Variants in CELF5 observed in about 807,000 individuals in gnomAD.
CELF5 encodes CUG-BP and ETR-3 like factor 5.
A neutral mutation model predicts 54.9 loss-of-function variants in CELF5; 6 were observed. That is an observed-to-expected ratio of 0.11 (90% confidence interval 0.06 to 0.22). CELF5 has a LOEUF of 0.22. Ranked by LOEUF, CELF5 falls within the 10% of genes least tolerant of loss-of-function variation. The pLI is 1.00. For synonymous variants in CELF5, 271 were observed against 290.9 expected, an observed-to-expected ratio of 0.93 and a Z score of 0.70; for missense variants, 401 against 678.6, an observed-to-expected ratio of 0.59 and a Z score of 4.54.
At chr19:3,241,424 A>G (rs1315220245) in intron 1 of CELF5, among the ~76,000 whole-genome samples, 2 of 151,996 alleles carry the variant, frequency 1.3e-5, no homozygotes, top group Non-Finnish European at 2.9e-5. Context: ...GGGTGGGTGC[A>G]GATTGCCAAT....
At position 3,275,773 on chromosome 19, in the gene CELF5, C is replaced by G. The variant is rs1209123833; in HGVS notation, c.395-83C>G. On this transcript the variant is annotated intron_variant, in intron 3 of 12. Transcript: ENST00000292672. This position sits in a 1 kb window ranked among gnomAD's most constrained non-coding sequence, Gnocchi z 6.7. ...GCCGCGTCTTCCTGCCCTGCCGCCT[C>G]CACTCTGCTGGAGGGAGGGAGGAAT... 1.5e-5 allele frequency: 22 copies of G among 1,457,646 alleles called. No homozygotes were observed. Among genetic ancestry groups the G allele is most frequent in the Non-Finnish European group, 2.0e-5 (22 of 1,086,274 alleles). 90.3% of individuals were successfully genotyped at this position (1,457,646 alleles called of 1,614,324 possible). A position where few individuals can be genotyped will look rare whatever the true frequency, so the allele number is the denominator to read the frequency against.
rs201376475 is a variant in CELF5, at chr19:3,293,451, G to A, written c.*5G>A. 33 of 1,613,740 alleles carry A rather than the reference G, an allele frequency of 2.0e-5. No homozygotes were observed. In the East Asian group the frequency reaches 3.1e-4, roughly 15 times the overall value. ...GACCCGGGACACCCCTACTGACCGC[G>A]CCCACAGCCGCCCTGAGGCTGTAGG... On this transcript the variant is annotated 3_prime_UTR_variant, in exon 12 of 13. Coordinates refer to ENST00000292672, the MANE Select transcript of CELF5 (RefSeq NM_021938.4).
rs2079637844 is a variant in CELF5, at chr19:3,250,847, A to T, written c.260-138A>T. 2 of 633,388 alleles carry T rather than the reference A, an allele frequency of 3.2e-6. No individual in the cohort carries two copies. The highest frequency in any genetic ancestry group is 5.8e-6 in the Non-Finnish European group (2 of 347,414). 39.2% of individuals were successfully genotyped at this position (633,388 alleles called of 1,614,324 possible). A position where few individuals can be genotyped will look rare whatever the true frequency, so the allele number is the denominator to read the frequency against. On this transcript the variant is annotated intron_variant, in intron 1 of 12. Coordinates refer to ENST00000292672, the MANE Select transcript of CELF5 (RefSeq NM_021938.4). ...GGCTGAATAATATTCCGTTGCGTGG[A>T]TGCACCAGGTTGTGTAGATCTATGC... is the stretch of plus-strand genomic sequence containing the variant.
chr19:3,235,163 T>C (rs1449048985), intron 1 of CELF5, among the ~76,000 whole-genome samples: 1 of 152,202 alleles, frequency 6.6e-6, no homozygotes, highest in African/African-American at 2.4e-5. Context: ...GCATGGGCTG[T>C]GCCCTCTGCA....
chr19:3,237,570 T>C (rs1599392813), intron 1 of CELF5, among the ~76,000 whole-genome samples: 1 of 152,280 alleles, frequency 6.6e-6, no homozygotes, highest in African/African-American at 2.4e-5. Flanking sequence ...TCTCTTAGCA[T>C]GCTAATGCAT....
Position 3,278,001 on chromosome 19 carries a change from C to A in CELF5, c.524-30C>A, listed in dbSNP as rs547279294. On this transcript the variant is annotated intron_variant, in intron 4 of 12. Transcript: ENST00000292672. The surrounding 1 kb of genome is among the most constrained non-coding windows in gnomAD (Gnocchi z 4.5). Reference sequence around the variant, plus strand: ...TCAGCCAGTCCTGTGACCCCATCACCCTCTACCTCTTCTTCTTCTCTTGGA... The same window carrying A: ...TCAGCCAGTCCTGTGACCCCATCACACTCTACCTCTTCTTCTTCTCTTGGA... The A allele has an allele frequency of 8.8e-6, 14 of 1,597,004 alleles. No homozygotes were observed. The East Asian group carries it at 2.9e-4, about 33-fold the overall frequency.
At chr19:3,241,433 A>G (rs2079489332) in intron 1 of CELF5, among the ~76,000 whole-genome samples, 1 of 151,816 alleles carries the variant, frequency 6.6e-6, no homozygotes, top group Admixed American at 6.6e-5. Context: ...CAGATTGCCA[A>G]TCACTGAGCA....
intron 1 of CELF5, among the ~76,000 whole-genome samples, chr19:3,238,922 A>C (rs1299430841): frequency 6.6e-6 from 1 of 152,096 alleles, no homozygotes; most frequent in South Asian, 2.1e-4. Flanking sequence ...GCGAGACTCC[A>C]TCTCAAAATA....
intron 2 of CELF5, among the ~76,000 whole-genome samples, chr19:3,257,781 T>A (rs903332534): frequency 3.4e-4 from 31 of 91,884 alleles, no homozygotes; most frequent in East Asian, 2.8e-3. Flanking sequence ...CAGCCTCCAT[T>A]TTTTTTTATT....
chr19:3,251,957 G>A (rs970254220), intron 2 of CELF5, among the ~76,000 whole-genome samples: 2 of 151,888 alleles, frequency 1.3e-5, no homozygotes, highest in African/African-American at 2.4e-5. Context: ...TTATAGGTGC[G>A]AGCCACCAGG....
rs966560782 is a variant in CELF5 at position 3,286,155 on chromosome 19, G to C, written c.1186+130G>C. On this transcript the variant is annotated intron_variant, in intron 10 of 12. Coordinates refer to ENST00000292672, the MANE Select transcript of CELF5 (RefSeq NM_021938.4). ...AGAGTGCGGCCTGGGGGCTGGACAG[G>C]CCAGAGTTGAGTCCCGGTGCAGCCG... 6 of 736,470 alleles carry C rather than the reference G, an allele frequency of 8.1e-6. No homozygotes were observed. In the African/African-American group the frequency reaches 1.1e-4, roughly 14 times the overall value. 45.6% of individuals were successfully genotyped at this position (736,470 alleles called of 1,614,324 possible).
chr19:3,232,302 C>A (rs1917307214), intron 1 of CELF5, among the ~76,000 whole-genome samples: 1 of 152,160 alleles, frequency 6.6e-6, no homozygotes, highest in Non-Finnish European at 1.5e-5. Context: ...CACCTGTAAT[C>A]CCATTGCTTT....
chr19:3,258,051 C>T (rs2079756186), intron 2 of CELF5, among the ~76,000 whole-genome samples: 1 of 151,670 alleles, frequency 6.6e-6, no homozygotes, highest in South Asian at 2.1e-4. Context: ...GCCTCCACCT[C>T]CCGGGTTCAA....
chr19:3,267,744 C>T (rs2145203892), intron 2 of CELF5, among the ~76,000 whole-genome samples: 2 of 152,318 alleles, frequency 1.3e-5, no homozygotes, highest in South Asian at 4.1e-4. Flanking sequence ...GCGTGTCCTT[C>T]CCTGCTCAGA....
Position 3,228,875 on chromosome 19 carries a change from CGTGTGTGTGTGTGTGT to C in CELF5, c.259+3902_259+3917del, listed in dbSNP as rs60632293. The stretch of plus-strand genomic sequence containing the variant: ...GGGGGTGGCTGGCAGGGTTGGCCGG[CGTGTGTGTGTGTGTGT>C]GTGTGTGTGTGTGTGTGTGTGTGTA... On this transcript the variant is annotated intron_variant, in intron 1 of 12. Coordinates refer to ENST00000292672, the MANE Select transcript of CELF5 (RefSeq NM_021938.4). This position sits in a 1 kb window ranked among gnomAD's most constrained non-coding sequence, Gnocchi z 6.0. Among the ~76,000 whole-genome samples the C allele has an allele frequency of 4.0e-5, 5 of 124,108 alleles. No individual in the cohort carries two copies. The highest frequency in any genetic ancestry group is 2.4e-4 in the East Asian group (1 of 4,156). 81.4% of individuals were successfully genotyped at this position (124,108 alleles called of 152,430 possible).
At chr19:3,243,802 G>A (rs758408236) in intron 1 of CELF5, among the ~76,000 whole-genome samples, 1 of 152,016 alleles carries the variant, frequency 6.6e-6, no homozygotes, top group Non-Finnish European at 1.5e-5. Flanking sequence ...CCCCTGTAGC[G>A]TTCCTTGTCT....
intron 2 of CELF5, among the ~76,000 whole-genome samples, chr19:3,252,431 G>C (rs1186909245): frequency 3.3e-5 from 5 of 152,102 alleles, no homozygotes; most frequent in Non-Finnish European, 1.5e-5. Context: ...CAGTCAATCC[G>C]GGTCCCCAGG....
At chr19:3,225,685 G>T in intron 1 of CELF5, 1 of 748,348 alleles carries the variant, frequency 1.3e-6, no homozygotes, top group Non-Finnish European at 1.6e-6. Context: ...CGCCTGCCTC[G>T]GGTGGCGGAG....
intron 1 of CELF5, among the ~76,000 whole-genome samples, chr19:3,242,658 TAGAC>T (rs2079507540): frequency 6.6e-6 from 1 of 151,910 alleles, no homozygotes; most frequent in African/African-American, 2.4e-5. Flanking sequence ...ATACAAAAAT[TAGAC>T]AGTCATAGTG....
Sources: gnomAD v4.1 joint callset for allele counts (sites outside exome capture counted in the v4.1 genomes callset) on GRCh38, gnomAD v4.1.1 for gene constraint, Gnocchi (gnomAD v3.1) non-coding constraint, MANE v1.5 for transcripts, NCBI Gene and HGNC (gene_info 2026-07-23, HGNC 2026-07-21) for gene names.